ATP13A3: variants seen among roughly 807,000 people sequenced by gnomAD.
ATP13A3 encodes the protein polyamine-transporting ATPase 13A3.
ATP13A3 carries 59 observed loss-of-function variants against 158.1 expected under a neutral mutation model. The observed-to-expected ratio is 0.37, with a 90% CI of 0.30 to 0.46. The LOEUF (loss-of-function observed/expected upper bound fraction) is 0.46, where lower values mean the gene tolerates loss of function less well. Ranked by LOEUF, ATP13A3 falls within the 20% of genes least tolerant of loss-of-function variation. The probability of loss-of-function intolerance (pLI) is 1.00; values close to 1 mark genes in which losing one functional copy is unlikely to be tolerated. For synonymous variants in ATP13A3, 491 were observed against 504.3 expected, an observed-to-expected ratio of 0.97 and a Z score of 0.35; for missense variants, 1,166 against 1,525.2, an observed-to-expected ratio of 0.76 and a Z score of 3.92.
At chr3:194,427,587 C>A (rs1468156516) in intron 28 of ATP13A3, among the ~76,000 whole-genome samples, 1 of 148,952 alleles carries the variant, frequency 6.7e-6, no homozygotes, top group East Asian at 2.0e-4. Flanking sequence ...TCACTTGAGC[C>A]CAGAAGTTTG....
At chr3:194,410,108 A>AC (rs1419399988) in intron 33 of ATP13A3, among the ~76,000 whole-genome samples, 1 of 151,382 alleles carries the variant, frequency 6.6e-6, no homozygotes, top group Admixed American at 6.6e-5. Context: ...GCTCTGGACC[A>AC]CTCTCTACCT....
At chr3:194,454,702 G>A (rs948136759) in intron 8 of ATP13A3, among the ~76,000 whole-genome samples, 6 of 151,972 alleles carry the variant, frequency 3.9e-5, no homozygotes, top group Non-Finnish European at 8.8e-5. Flanking sequence ...GGTGGCAGGC[G>A]CCTGTAGTCC....
Position 194,404,361 on chromosome 3 carries a change from A to C in ATP13A3, c.*1558T>G, listed in dbSNP as rs773795660. On this transcript the variant is annotated 3_prime_UTR_variant, in exon 34 of 34. Transcript: ENST00000645319. Reference sequence around the variant, plus strand: ...TTTCTATAGTTACCAAACATCATCCAGGTCTTTGCAGCATAAAGAGTGAGA... The same window carrying C: ...TTTCTATAGTTACCAAACATCATCCCGGTCTTTGCAGCATAAAGAGTGAGA... 8 of 229,314 alleles carry C rather than the reference A, an allele frequency of 3.5e-5. No homozygotes were observed. Among genetic ancestry groups the C allele is most frequent in the Admixed American group, 6.0e-5 (1 of 16,764 alleles). 14.2% of individuals were successfully genotyped at this position (229,314 alleles called of 1,614,324 possible). A position where few individuals can be genotyped will look rare whatever the true frequency, so the allele number is the denominator to read the frequency against.
In ATP13A3 at chr3:194,464,433, A is replaced by G. The variant is rs147519753; in HGVS notation, c.-46-2197T>C. ...TAGGGCAGTGTAATGGTCCTAGAGC[A>G]TATTACCAGAGTTATTCCACCATAA... On this transcript the variant is annotated intron_variant, in intron 2 of 33. Transcript: ENST00000645319. Among the ~76,000 whole-genome samples the G allele has an allele frequency of 3.0e-3, 456 of 152,282 alleles. 4 individuals carry two copies. Among genetic ancestry groups the G allele is most frequent in the African/African-American group, 0.01 (418 of 41,554 alleles).
intron 7 of ATP13A3, among the ~76,000 whole-genome samples, 186 bp from the exon 8 acceptor site, chr3:194,456,148 T>A (rs956308111): frequency 6.6e-6 from 1 of 152,150 alleles, no homozygotes; most frequent in Non-Finnish European, 1.5e-5. Context: ...TAGATACCTA[T>A]ACTGGTAGCA....
Position 194,410,937 on chromosome 3 carries a change from GGTGTGTGTGT to G in ATP13A3, c.3573+1252_3573+1261del, listed in dbSNP as rs34952393. On this transcript the variant is annotated intron_variant, in intron 33 of 33. Coordinates refer to ENST00000645319, the MANE Select transcript of ATP13A3 (RefSeq NM_001367549.1). Reference sequence around the variant, plus strand: ...GGGGGTGGGAGGGTTGGGGTGTTGGGGTGTGTGTGTGTGTGTGTGTGTGTGTGTGTGTGTA... The same window carrying G: ...GGGGGTGGGAGGGTTGGGGTGTTGGGGTGTGTGTGTGTGTGTGTGTGTGTA... Among the ~76,000 whole-genome samples the G allele has an allele frequency of 5.4e-3, 687 of 127,266 alleles. 7 individuals carry two copies. Among genetic ancestry groups the G allele is most frequent in the African/African-American group, 0.02 (599 of 30,602 alleles). The allele number at this position is 127,266 out of a possible 152,430, so 83.5% of individuals were successfully genotyped here. A position where few individuals can be genotyped will look rare whatever the true frequency, so the allele number is the denominator to read the frequency against.
intron 33 of ATP13A3, 33 bp downstream of exon 33, chr3:194,412,166 A>C (rs1386564469): frequency 6.7e-7 from 1 of 1,494,616 alleles, no homozygotes; most frequent in South Asian, 1.2e-5. Context: ...CTAGAGAGGC[A>C]GCAAGAATTG....
intron 31 of ATP13A3, among the ~76,000 whole-genome samples, chr3:194,415,719 G>A (rs986474325): frequency 3.6e-5 from 5 of 139,068 alleles, no homozygotes; most frequent in African/African-American, 5.7e-5. Context: ...GCCCAGCCTG[G>A]AGTGCAGTGG....
At position 194,408,287 on chromosome 3, in the gene ATP13A3, G is replaced by A. The variant is rs536721169; in HGVS notation, c.3574-2171C>T. 5.3e-5 allele frequency among the ~76,000 whole-genome samples: 8 copies of A among 152,264 alleles called. No individual in the cohort carries two copies. In the South Asian group the frequency reaches 1.5e-3, roughly 28 times the overall value. Reference sequence around the variant, plus strand: ...TCCACCTCAGCCTCCCAAAGTGCTGGTGGGATTACAGGCATAAGCCGCCGC... The same window carrying A: ...TCCACCTCAGCCTCCCAAAGTGCTGATGGGATTACAGGCATAAGCCGCCGC... On this transcript the variant is annotated intron_variant, in intron 33 of 33. Transcript: ENST00000645319.
intron 20 of ATP13A3, among the ~76,000 whole-genome samples, chr3:194,435,979 G>A (rs1056461317): frequency 1.1e-4 from 17 of 152,156 alleles, no homozygotes; most frequent in Non-Finnish European, 2.2e-4. Flanking sequence ...GGCATCCACT[G>A]TCTTATCCCC....
In ATP13A3 at chr3:194,430,119, G is replaced by A; in HGVS notation, c.2730C>T (p.Pro910=). The part of the protein sequence containing the change: ...LSELEASVAS[P]FTSKTPSISC... ...AAATACTAGGAGTCTTAGAGGTAAAGGGAGATGCCACTGAAGCTTCGAGCT... is the reference window on the plus strand; with the variant it reads ...AAATACTAGGAGTCTTAGAGGTAAAAGGAGATGCCACTGAAGCTTCGAGCT... Residue 910 remains proline, a synonymous_variant, in exon 26 of 34, where the codon CCC becomes CCT. Coordinates refer to ENST00000645319, the MANE Select transcript of ATP13A3 (RefSeq NM_001367549.1). The A allele has an allele frequency of 6.2e-7, 1 of 1,614,134 alleles. No homozygotes were observed. Among genetic ancestry groups the A allele is most frequent in the Non-Finnish European group, 8.5e-7 (1 of 1,180,010 alleles).
At chr3:194,479,372 T>C (rs1196129163) in intron 2 of ATP13A3, among the ~76,000 whole-genome samples, 2 of 152,276 alleles carry the variant, frequency 1.3e-5, no homozygotes, top group African/African-American at 4.8e-5. Context: ...ACATTTTACT[T>C]AGTATACTAA....
At chr3:194,425,766 T>C (rs1031859083) in intron 29 of ATP13A3, among the ~76,000 whole-genome samples, 3 of 152,190 alleles carry the variant, frequency 2.0e-5, no homozygotes, top group African/African-American at 7.2e-5. Context: ...GTAGGAAATA[T>C]TTAATAAGCC....
At chr3:194,435,712 G>T (rs1485649606) in intron 20 of ATP13A3, among the ~76,000 whole-genome samples, 2 of 152,176 alleles carry the variant, frequency 1.3e-5, no homozygotes, top group South Asian at 2.1e-4. Context: ...TTCGAGACCA[G>T]CCTGGCCAAC....
At chr3:194,445,046 G>T (rs142245149) in intron 14 of ATP13A3, among the ~76,000 whole-genome samples, 1 of 151,716 alleles carries the variant, frequency 6.6e-6, no homozygotes, top group East Asian at 2.0e-4. Flanking sequence ...ATATATTTAC[G>T]TGCTTATACT....
intron 2 of ATP13A3, among the ~76,000 whole-genome samples, chr3:194,473,762 A>G (rs1720411034): frequency 1.3e-5 from 2 of 152,218 alleles, no homozygotes; most frequent in Admixed American, 1.3e-4. Flanking sequence ...AGCAGGGGGA[A>G]AAAACCTAGA....
rs1714844939 is a variant in ATP13A3 at position 194,405,113 on chromosome 3, C to T, written c.*806G>A. The T allele has an allele frequency of 6.6e-6, 1 of 152,198 alleles. No homozygotes were observed. Among genetic ancestry groups the T allele is most frequent in the African/African-American group, 2.4e-5 (1 of 41,442 alleles). 9.4% of individuals were successfully genotyped at this position (152,198 alleles called of 1,614,324 possible). A position where few individuals can be genotyped will look rare whatever the true frequency, so the allele number is the denominator to read the frequency against. ...ACGTTAAAAGATGAATCTACATCTACTGCCGAAAGAAATGAATCTTATTTC... is the reference window on the plus strand; with the variant it reads ...ACGTTAAAAGATGAATCTACATCTATTGCCGAAAGAAATGAATCTTATTTC... On this transcript the variant is annotated 3_prime_UTR_variant, in exon 34 of 34. Transcript: ENST00000645319.
chr3:194,430,047 T>A, intron 26 of ATP13A3, 25 bp downstream of exon 26: 2 of 1,569,598 alleles, frequency 1.3e-6, no homozygotes, highest in Admixed American at 1.8e-5. Context: ...GAAAAAGGGA[T>A]GAGAAAAATT....
chr3:194,431,694 C>CG, intron 22 of ATP13A3, 23 bp downstream of exon 22: 1 of 1,488,976 alleles, frequency 6.7e-7, no homozygotes, highest in Non-Finnish European at 8.9e-7. Flanking sequence ...AACTTTAAAA[C>CG]GGACAGTCGA....
Sources: allele counts gnomAD v4.1 joint callset (sites outside exome capture counted in the v4.1 genomes callset), GRCh38; gene constraint gnomAD v4.1.1; transcripts MANE v1.5; gene names NCBI Gene and HGNC (gene_info 2026-07-23, HGNC 2026-07-21).